The following HRH1 variants were observed in gnomAD, a reference collection of about 807,000 sequenced individuals.
HRH1 encodes the protein histamine H1 receptor.
A neutral mutation model predicts 10.3 loss-of-function variants in HRH1; 6 were observed. That is an observed-to-expected ratio of 0.58 (90% CI 0.32 to 1.15). The LOEUF (loss-of-function observed/expected upper bound fraction) is 1.15. Ranked by LOEUF, HRH1 falls within the 50% of genes most tolerant of loss-of-function variation. The pLI, the probability that HRH1 is intolerant of heterozygous loss-of-function variation, is 0.05. For missense variants in HRH1, 514 were observed against 615.3 expected (o/e 0.84, Z 1.74); for synonymous variants, 242 against 236.7 (o/e 1.02, Z -0.21).
chr3:11,250,387 G>T (rs912318389), intron 1 of HRH1, among the ~76,000 whole-genome samples: 2 of 151,876 alleles, frequency 1.3e-5, no homozygotes, highest in Non-Finnish European at 2.9e-5. Context: ...ACATTTTCGG[G>T]GGTAGGTACT....
In HRH1 at chr3:11,222,020, A is replaced by G. The variant is rs561618227; in HGVS notation, c.-35-36983A>G. ...GCTGATGGACATGTGGGTTGCTTCCACCTTCTGGTTATTGTGAATAATGCT... is the reference window on the plus strand; with the variant it reads ...GCTGATGGACATGTGGGTTGCTTCCGCCTTCTGGTTATTGTGAATAATGCT... On this transcript the variant is annotated intron_variant, in intron 1 of 1. Transcript: ENST00000431010. Among the ~76,000 whole-genome samples, 222 of 152,180 alleles carry G rather than the reference A, an allele frequency of 1.5e-3. 2 individuals carry two copies. The highest frequency in any genetic ancestry group is 5.0e-3 in the African/African-American group (207 of 41,506).
At chr3:11,247,340 G>A (rs903719577) in intron 1 of HRH1, among the ~76,000 whole-genome samples, 6 of 152,128 alleles carry the variant, frequency 3.9e-5, no homozygotes, top group Non-Finnish European at 1.5e-5. Flanking sequence ...TCCTTCTGCA[G>A]GAGGATGCAG....
chr3:11,188,060 G>A (rs1937478108), intron 1 of HRH1, among the ~76,000 whole-genome samples: 1 of 152,176 alleles, frequency 6.6e-6, no homozygotes, highest in African/African-American at 2.4e-5. Context: ...CAAATGGACA[G>A]AAAATGTTTG....
At chr3:11,241,194 A>T (rs539756140) in intron 1 of HRH1, among the ~76,000 whole-genome samples, 2 of 152,342 alleles carry the variant, frequency 1.3e-5, no homozygotes, top group East Asian at 1.9e-4. Flanking sequence ...ACCCAGAGAA[A>T]ACCATGGTTG....
intron 1 of HRH1, among the ~76,000 whole-genome samples, chr3:11,193,911 A>T (rs181771491): frequency 1.2e-4 from 19 of 152,364 alleles, no homozygotes; most frequent in Admixed American, 5.2e-4. Context: ...AAAGGAAAAA[A>T]GATTTAGGGC....
intron 1 of HRH1, among the ~76,000 whole-genome samples, chr3:11,240,816 C>A (rs1461936846): frequency 6.6e-6 from 1 of 152,210 alleles, no homozygotes; most frequent in African/African-American, 2.4e-5. Flanking sequence ...AGTACTGGAG[C>A]ACCCTCATGC....
At chr3:11,224,566 G>C (rs1233513677) in intron 1 of HRH1, among the ~76,000 whole-genome samples, 1 of 152,174 alleles carries the variant, frequency 6.6e-6, no homozygotes, top group Non-Finnish European at 1.5e-5. Flanking sequence ...CGAGCATGGT[G>C]GTGGGCACCT....
intron 1 of HRH1, among the ~76,000 whole-genome samples, chr3:11,243,992 G>A (rs1939414394): frequency 1.3e-5 from 2 of 152,208 alleles, no homozygotes; most frequent in Admixed American, 1.3e-4. Flanking sequence ...TAGGATTCGA[G>A]TTGGCTGTAT....
intron 1 of HRH1, among the ~76,000 whole-genome samples, chr3:11,193,287 C>G (rs1396747029): frequency 6.6e-6 from 1 of 151,912 alleles, no homozygotes; most frequent in Non-Finnish European, 1.5e-5. Context: ...AAATATCTGA[C>G]TCAGTTGGCA....
At chr3:11,223,351 C>T (rs930670462) in intron 1 of HRH1, among the ~76,000 whole-genome samples, 17 of 148,076 alleles carry the variant, frequency 1.1e-4, no homozygotes, top group African/African-American at 4.3e-4. Flanking sequence ...AAAAAAAAAT[C>T]AGCCGGGGGT....
chr3:11,252,999 T>C (rs1248325955), intron 1 of HRH1: 3 of 152,174 alleles, frequency 2.0e-5, no homozygotes, highest in Non-Finnish European at 4.4e-5. Context: ...CTAATTTTAG[T>C]ATTAAATCAC....
chr3:11,180,059 G>T (rs186768162), intron 1 of HRH1, among the ~76,000 whole-genome samples: 3 of 151,946 alleles, frequency 2.0e-5, no homozygotes, highest in African/African-American at 7.3e-5. Context: ...CACCACACCC[G>T]GCCCTCTTTT....
intron 1 of HRH1, among the ~76,000 whole-genome samples, chr3:11,208,113 A>G (rs574485173): frequency 1.4e-5 from 2 of 147,160 alleles, no homozygotes; most frequent in South Asian, 2.2e-4. Context: ...TTTCCTCAAC[A>G]CTTTTCTTTA....
At chr3:11,182,930 C>G (rs551657165) in intron 1 of HRH1, among the ~76,000 whole-genome samples, 7 of 152,206 alleles carry the variant, frequency 4.6e-5, no homozygotes, top group African/African-American at 1.4e-4. Context: ...CTAGGATACT[C>G]CATCTCCTGG....
At chr3:11,156,143 C>A (rs1936785740) in intron 1 of HRH1, among the ~76,000 whole-genome samples, 1 of 152,152 alleles carries the variant, frequency 6.6e-6, no homozygotes, top group Non-Finnish European at 1.5e-5. Flanking sequence ...CTGGACAACC[C>A]CATGTAAATC....
At chr3:11,180,956 C>CACACACACA (rs2125016863) in intron 1 of HRH1, among the ~76,000 whole-genome samples, 1 of 97,048 alleles carries the variant, frequency 1.0e-5, no homozygotes, top group East Asian at 2.0e-4. Flanking sequence ...CATACACACA[C>CACACACACA]ACACACACAC....
intron 1 of HRH1, among the ~76,000 whole-genome samples, chr3:11,223,059 C>T: frequency 6.6e-6 from 1 of 151,690 alleles, no homozygotes; most frequent in Non-Finnish European, 1.5e-5. Context: ...GTGGCGCGTG[C>T]CTGTAGTCCC....
intron 1 of HRH1, among the ~76,000 whole-genome samples, chr3:11,168,279 A>G (rs1340711113): frequency 6.6e-6 from 1 of 152,160 alleles, no homozygotes; most frequent in Non-Finnish European, 1.5e-5. Context: ...ACAGGGCCAG[A>G]CATGGAGGGC....
rs1443249383 is a variant in HRH1, at chr3:11,260,412, A to T, written c.1375A>T (p.Ile459Phe). ...CATGTTCACCATCTGGCTGGGCTAC[A>T]TCAACTCCACACTGAACCCCCTCAT... ...LHMFTIWLGY[I>F]NSTLNPLIYP... Residue 459 changes from isoleucine (I) to phenylalanine (F), a missense_variant, in exon 2 of 2, where the codon ATC (isoleucine) becomes TTC (phenylalanine). Ile to Phe is a conservative substitution (Grantham distance 21). Coordinates refer to ENST00000431010, the MANE Select transcript of HRH1 (RefSeq NM_001098212.2). 6.2e-7 allele frequency: 1 copy of T among 1,614,048 alleles called. No homozygotes were observed. Among genetic ancestry groups the T allele is most frequent in the South Asian group, 1.1e-5 (1 of 91,088 alleles).
Sources: gnomAD v4.1 joint callset for allele counts (sites outside exome capture counted in the v4.1 genomes callset) on GRCh38, gnomAD v4.1.1 for gene constraint, MANE v1.5 for transcripts, NCBI Gene and HGNC (gene_info 2026-07-23, HGNC 2026-07-21) for gene names.